IDS: variants seen among roughly 807,000 people sequenced by gnomAD.
The protein encoded by IDS is alpha-L-iduronate sulfate sulfatase.
Under a neutral mutation model 33.5 loss-of-function variants are expected in IDS, and 1 was observed. That is an observed-to-expected ratio of 0.03 (90% confidence interval 0.01 to 0.14). The LOEUF is 0.14. IDS is among the 10% of genes least tolerant of loss of function. The pLI is 1.00. For missense variants in IDS, 328 were observed against 448.0 expected (o/e 0.73, Z 2.42); for synonymous variants, 191 against 184.4 (o/e 1.04, Z -0.29).
chrX:149,486,431 G>A (rs1301486534), intron 8 of IDS, among the ~76,000 whole-genome samples: 1 of 111,374 alleles, frequency 9.0e-6, no homozygotes, highest in Non-Finnish European at 1.9e-5. Flanking sequence ...GCTGGGGAGG[G>A]CAGAGTAGAA....
intron 8 of IDS, among the ~76,000 whole-genome samples, chrX:149,484,291 C>T (rs782806265): frequency 8.9e-6 from 1 of 112,496 alleles, no homozygotes; most frequent in Non-Finnish European, 1.9e-5. Context: ...CCAATTTTTC[C>T]ATATAATCAC....
intron 4 of IDS, among the ~76,000 whole-genome samples, chrX:149,498,687 T>C (rs1287356142): frequency 8.9e-6 from 1 of 112,958 alleles, no homozygotes; most frequent in Non-Finnish European, 1.9e-5. Context: ...CAATTGAACA[T>C]GGAAATGTGG....
chrX:149,482,470 C>T lies in IDS; in HGVS notation c.*276G>A. 2 of 340,108 alleles carry T rather than the reference C, an allele frequency of 5.9e-6. No homozygotes were observed. Among genetic ancestry groups the T allele is most frequent in the Non-Finnish European group, 1.0e-5 (2 of 196,396 alleles). 28.0% of individuals were successfully genotyped at this position (340,108 alleles called of 1,213,427 possible). On this transcript the variant is annotated 3_prime_UTR_variant, in exon 9 of 9. Coordinates refer to ENST00000340855, the MANE Select transcript of IDS (RefSeq NM_000202.8). The stretch of plus-strand genomic sequence containing the variant: ...GTATGACATAACTTGAGTTTGTTTG[C>T]TTTGTATTTATTCAGTAAATAAGCC...
Position 149,498,210 on chromosome X carries a change from G to A in IDS, c.605C>T (p.Thr202Ile). The part of the protein sequence containing the change: ...PEGTLPDKQS[T>I]EQAIQLLEKM... ...TTCCAACAACTGTATGGCTTGCTCAGTGCTCTGTTTGTCAGGCAAGGTGCC... is the reference window on the plus strand; with the variant it reads ...TTCCAACAACTGTATGGCTTGCTCAATGCTCTGTTTGTCAGGCAAGGTGCC... Residue 202 changes from threonine to isoleucine, a missense_variant, in exon 5 of 9, where the codon ACT becomes ATT. Physicochemically the swap from Thr to Ile is moderately conservative, Grantham distance 89 (BLOSUM62 -1). Coordinates refer to ENST00000340855, the MANE Select transcript of IDS (RefSeq NM_000202.8). 8.3e-7 allele frequency: 1 copy of A among 1,211,656 alleles called. No individual in the cohort carries two copies. The highest frequency in any genetic ancestry group is 1.8e-5 in the South Asian group (1 of 57,005).
rs891067160 is a variant in IDS, at chrX:149,480,544, G to A, written c.*2202C>T. 6.8e-6 allele frequency: 2 copies of A among 292,645 alleles called. No individual in the cohort carries two copies. Among genetic ancestry groups the A allele is most frequent in the East Asian group, 4.8e-5 (1 of 20,838 alleles). 24.1% of individuals were successfully genotyped at this position (292,645 alleles called of 1,213,427 possible). On this transcript the variant is annotated 3_prime_UTR_variant, in exon 9 of 9. Transcript: ENST00000340855. ...TGCCGAGGCTGGAATACAATGGCAC[G>A]ATCTTCATTCACTGAAACCTCCGTC...
chrX:149,490,667 A>G lies in IDS; in HGVS notation c.880-227T>C, dbSNP rs137912047. On this transcript the variant is annotated intron_variant, in intron 6 of 8. Transcript: ENST00000340855. ...CTACAAATAAGATACATTTCTAAGC[A>G]AATCAGATTTCACTTTAGGGCACAG... 6.8e-3 allele frequency among the ~76,000 whole-genome samples: 762 copies of G among 112,473 alleles called. 8 individuals are homozygous for G. Among genetic ancestry groups the G allele is most frequent in the African/African-American group, 0.022 (694 of 30,866 alleles).
chrX:149,485,476 G>A (rs1004421916), intron 8 of IDS, among the ~76,000 whole-genome samples: 1 of 112,074 alleles, frequency 8.9e-6, no homozygotes, highest in Non-Finnish European at 1.9e-5. Flanking sequence ...CAGGGGTTGA[G>A]ATTATTCCAT....
chrX:149,484,600 G>A (rs940383164), intron 8 of IDS, among the ~76,000 whole-genome samples: 50 of 112,859 alleles, frequency 4.4e-4, no homozygotes, highest in African/African-American at 1.1e-3. Context: ...GATTACTGGC[G>A]TGAGCCACCA....
chrX:149,490,185 A>T, intron 7 of IDS, 129 bp downstream of exon 7: 1 of 631,571 alleles, frequency 1.6e-6, no homozygotes, highest in Admixed American at 2.5e-5. Context: ...CCAGGATCCC[A>T]CTTTGTTTGT....
intron 6 of IDS, among the ~76,000 whole-genome samples, chrX:149,493,525 G>T (rs2089410892): frequency 9.0e-6 from 1 of 111,602 alleles, no homozygotes; most frequent in Non-Finnish European, 1.9e-5. Context: ...GCAGAAACAG[G>T]CAGGGGCAAG....
At position 149,485,785 on chromosome X, in the gene IDS, A is replaced by G. The variant is rs188892029; in HGVS notation, c.1180+1140T>C. Among the ~76,000 whole-genome samples, 51 of 112,600 alleles carry G rather than the reference A, an allele frequency of 4.5e-4. No homozygotes were observed. In the East Asian group the frequency reaches 0.014, roughly 31 times the overall value. ...GATCTTTCCCAGCAAACAAAGGGCT[A>G]AAATCATGCCTTGAAACTGTTTAAC... On this transcript the variant is annotated intron_variant, in intron 8 of 8. Coordinates refer to ENST00000340855, the MANE Select transcript of IDS (RefSeq NM_000202.8).
chrX:149,504,753 T>C (rs1233226128), intron 1 of IDS, among the ~76,000 whole-genome samples: 1 of 83,173 alleles, frequency 1.2e-5, no homozygotes, highest in East Asian at 3.9e-4. Flanking sequence ...GGGGGAAAGA[T>C]GGATGGATAG....
chrX:149,491,188 T>A (rs782495376), intron 6 of IDS, among the ~76,000 whole-genome samples: 1 of 112,116 alleles, frequency 8.9e-6, no homozygotes, highest in African/African-American at 3.2e-5. Flanking sequence ...TACAACTGCA[T>A]ATCTTCATGA....
In IDS at chrX:149,505,226, T is replaced by A. The variant is rs1203940276; in HGVS notation, c.-89A>T. The A allele has an allele frequency of 3.2e-6, 2 of 632,514 alleles. No individual in the cohort carries two copies. Among genetic ancestry groups the A allele is most frequent in the Admixed American group, 7.0e-5 (2 of 28,539 alleles). The allele number at this position is 632,514 out of a possible 1,213,427, so 52.1% of individuals were successfully genotyped here. A position where few individuals can be genotyped will look rare whatever the true frequency, so the allele number is the denominator to read the frequency against. On this transcript the variant is annotated 5_prime_UTR_variant, in exon 1 of 9. Coordinates refer to ENST00000340855, the MANE Select transcript of IDS (RefSeq NM_000202.8). The stretch of plus-strand genomic sequence containing the variant: ...AGCCGCCGCCGCAGCCACAGAGACC[T>A]CCTCGTCGGGAACCCATGAAGACTG...
chrX:149,482,659 G>A lies in IDS; in HGVS notation c.*87C>T, dbSNP rs782405572. ...GCCCTCAGGCTGCTTCCAATATTAT[G>A]GGTAATCACAAAACGACCAGCTCTA... On this transcript the variant is annotated 3_prime_UTR_variant, in exon 9 of 9. Coordinates refer to ENST00000340855, the MANE Select transcript of IDS (RefSeq NM_000202.8). 8.5e-7 allele frequency: 1 copy of A among 1,182,139 alleles called. No individual in the cohort carries two copies. Among genetic ancestry groups the A allele is most frequent in the South Asian group, 1.8e-5 (1 of 54,386 alleles).
chrX:149,498,088 C>A lies in IDS; in HGVS notation c.708+19G>T, dbSNP rs782662196. On this transcript the variant is annotated intron_variant, in intron 5 of 8. Transcript: ENST00000340855. ...AGCTGTCACAGCTGTGCTGGATCAG[C>A]CCTCAACCAGCTCTTCACCTTGGGG... 3 of 1,180,979 alleles carry A rather than the reference C, an allele frequency of 2.5e-6. No individual in the cohort carries two copies. The African/African-American group carries it at 5.3e-5, about 21-fold the overall frequency.
chrX:149,483,356 G>A (rs782298868), intron 8 of IDS, 138 bp from the exon 9 acceptor site: 90 of 490,533 alleles, frequency 1.8e-4, no homozygotes, highest in Non-Finnish European at 2.8e-4. Flanking sequence ...AGCAACAGAC[G>A]TTTAGAAACA....
At chrX:149,486,822 G>C (rs1199278635) in intron 8 of IDS, 103 bp downstream of exon 8, 1 of 891,022 alleles carries the variant, frequency 1.1e-6, no homozygotes. Flanking sequence ...GCAGGAAGGG[G>C]GGGTCTGTGT....
chrX:149,503,836 G>C (rs1213141841), intron 2 of IDS, among the ~76,000 whole-genome samples: 16 of 112,065 alleles, frequency 1.4e-4, no homozygotes, highest in African/African-American at 5.2e-4. Flanking sequence ...CCAGCCTGCA[G>C]ACCTGTGGGT....
Sources: gnomAD v4.1 joint callset for allele counts (sites outside exome capture counted in the v4.1 genomes callset) on GRCh38, gnomAD v4.1.1 for gene constraint, MANE v1.5 for transcripts, NCBI Gene and HGNC (gene_info 2026-07-23, HGNC 2026-07-21) for gene names.